BCL2: variants seen among roughly 807,000 people sequenced by gnomAD.
BCL2 encodes BCL2 apoptosis regulator.
Under a neutral mutation model 14.2 loss-of-function variants are expected in BCL2, and 1 was observed. The observed-to-expected ratio is 0.07, with a 90% CI of 0.02 to 0.33. BCL2 has a LOEUF of 0.33. Ranked by LOEUF, BCL2 falls within the 10% of genes least tolerant of loss-of-function variation. BCL2 has a pLI of 0.99. For synonymous variants in BCL2, 151 were observed against 137.2 expected, an observed-to-expected ratio of 1.10 and a Z score of -0.70; for missense variants, 247 against 305.9, an observed-to-expected ratio of 0.81 and a Z score of 1.44.
intron 2 of BCL2, among the ~76,000 whole-genome samples, chr18:63,137,557 C>CT (rs1054279558): frequency 6.6e-5 from 10 of 151,658 alleles, no homozygotes; most frequent in East Asian, 1.9e-4. Context: ...AAATTCAGTG[C>CT]TTTTTTTTTC....
intron 2 of BCL2, among the ~76,000 whole-genome samples, chr18:63,146,626 G>A (rs1276611742): frequency 6.6e-6 from 1 of 152,178 alleles, no homozygotes; most frequent in Non-Finnish European, 1.5e-5. Flanking sequence ...TCTTTTCTTT[G>A]TGTGTTTTCA....
At chr18:63,193,111 T>G (rs143990287) in intron 2 of BCL2, among the ~76,000 whole-genome samples, 1 of 152,334 alleles carries the variant, frequency 6.6e-6, no homozygotes, top group African/African-American at 2.4e-5. Context: ...CACATGTTAC[T>G]GTGGTCATCA....
chr18:63,200,706 G>A (rs534914057), intron 2 of BCL2, among the ~76,000 whole-genome samples: 8 of 152,220 alleles, frequency 5.3e-5, no homozygotes, highest in South Asian at 4.1e-4. Flanking sequence ...AGCTCAACAC[G>A]GGTGGGAGAA....
intron 2 of BCL2, among the ~76,000 whole-genome samples, chr18:63,173,516 C>T (rs1199366093): frequency 2.0e-5 from 3 of 152,114 alleles, no homozygotes; most frequent in South Asian, 2.1e-4. Context: ...GAGCAGAATT[C>T]GGAAAGCGGA....
intron 2 of BCL2, among the ~76,000 whole-genome samples, chr18:63,201,371 C>T (rs988782847): frequency 2.0e-5 from 3 of 152,172 alleles, no homozygotes; most frequent in African/African-American, 4.8e-5. Context: ...TTTCCCACCG[C>T]CCCTAATAGA....
At chr18:63,134,617 C>A (rs1023116557) in intron 2 of BCL2, among the ~76,000 whole-genome samples, 4 of 152,304 alleles carry the variant, frequency 2.6e-5, no homozygotes, top group Non-Finnish European at 5.9e-5. Context: ...AGTCTTTGAG[C>A]TGACTATGCA....
chr18:63,293,740 T>C (rs760906495), intron 2 of BCL2, among the ~76,000 whole-genome samples: 2 of 152,038 alleles, frequency 1.3e-5, no homozygotes, highest in Non-Finnish European at 2.9e-5. Flanking sequence ...CAAAGGAAAA[T>C]GGGATCAAAG....
intron 2 of BCL2, among the ~76,000 whole-genome samples, chr18:63,283,458 T>A (rs74706308): frequency 1.5e-5 from 2 of 136,818 alleles, no homozygotes; most frequent in Admixed American, 7.7e-5. Context: ...CTCTACCAGT[T>A]TGGTAATAAA....
At chr18:63,235,971 C>A (rs2068716583) in intron 2 of BCL2, among the ~76,000 whole-genome samples, 2 of 152,118 alleles carry the variant, frequency 1.3e-5, no homozygotes, top group Non-Finnish European at 2.9e-5. Context: ...TGTGTCTCCA[C>A]CCAAATCTCA....
chr18:63,229,385 G>C (rs938987256), intron 2 of BCL2, among the ~76,000 whole-genome samples: 2 of 152,160 alleles, frequency 1.3e-5, no homozygotes, highest in Non-Finnish European at 2.9e-5. Flanking sequence ...GAAGTCCTCT[G>C]TTATTAACTG....
intron 2 of BCL2, among the ~76,000 whole-genome samples, chr18:63,297,303 T>G (rs888139631): frequency 6.6e-6 from 1 of 152,206 alleles, no homozygotes; most frequent in Non-Finnish European, 1.5e-5. Context: ...ATTAAACTAA[T>G]ACATCCAAAA....
Position 63,241,784 on chromosome 18 carries a change from G to A in BCL2, c.585+76298C>T, listed in dbSNP as rs532016039. Among the ~76,000 whole-genome samples, 3 of 152,274 alleles carry A rather than the reference G, an allele frequency of 2.0e-5. No individual in the cohort carries two copies. In the East Asian group the frequency reaches 5.8e-4, roughly 29 times the overall value. ...GAATCTGATGAAAACAAGATGTCCC[G>A]GCCTGCCACCCTGGCCTGATTTGAG... On this transcript the variant is annotated intron_variant, in intron 2 of 2. Coordinates refer to ENST00000333681, the MANE Select transcript of BCL2 (RefSeq NM_000633.3).
At chr18:63,254,550 G>C (rs1911414231) in intron 2 of BCL2, among the ~76,000 whole-genome samples, 1 of 151,224 alleles carries the variant, frequency 6.6e-6, no homozygotes, top group East Asian at 1.9e-4. Context: ...GCAAGACCCT[G>C]CCTTAAAAAA....
At chr18:63,311,068 G>T (rs1442671884) in intron 2 of BCL2, among the ~76,000 whole-genome samples, 1 of 151,180 alleles carries the variant, frequency 6.6e-6, no homozygotes, top group Non-Finnish European at 1.5e-5. Flanking sequence ...TAAAGCTGAT[G>T]ATATAATTTG....
intron 2 of BCL2, among the ~76,000 whole-genome samples, chr18:63,213,384 C>G (rs1046950788): frequency 2.0e-5 from 3 of 152,132 alleles, no homozygotes; most frequent in African/African-American, 7.2e-5. Context: ...CCTCACACCA[C>G]ACCCCTCACT....
At chr18:63,246,972 T>C (rs1022876420) in intron 2 of BCL2, among the ~76,000 whole-genome samples, 36 of 152,334 alleles carry the variant, frequency 2.4e-4, no homozygotes, top group Middle Eastern at 6.8e-3. Flanking sequence ...ATCATTTTTA[T>C]GTTTGGCTAC....
At chr18:63,178,705 T>C (rs1915407389) in intron 2 of BCL2, among the ~76,000 whole-genome samples, 1 of 151,600 alleles carries the variant, frequency 6.6e-6, no homozygotes, top group African/African-American at 2.4e-5. Context: ...GTGCCAAGAG[T>C]GGGCCCCAGG....
chr18:63,297,040 G>C (rs573038059), intron 2 of BCL2, among the ~76,000 whole-genome samples: 35 of 152,170 alleles, frequency 2.3e-4, no homozygotes, highest in African/African-American at 8.2e-4. Context: ...GTGAAACCCT[G>C]TCTCTACTAA....
chr18:63,237,280 T>C (rs1347133991), intron 2 of BCL2, among the ~76,000 whole-genome samples: 1 of 152,036 alleles, frequency 6.6e-6, no homozygotes, highest in Non-Finnish European at 1.5e-5. Flanking sequence ...CCTCGATCAA[T>C]CACCTCCCCT....
Sources: allele counts gnomAD v4.1 joint callset (sites outside exome capture counted in the v4.1 genomes callset), GRCh38; gene constraint gnomAD v4.1.1; transcripts MANE v1.5; gene names NCBI Gene and HGNC (gene_info 2026-07-23, HGNC 2026-07-21).